Variants in CLTC observed in about 807,000 individuals in gnomAD.
CLTC encodes the protein clathrin heavy chain.
CLTC carries 16 observed loss-of-function variants against 195.8 expected under a neutral mutation model. The observed-to-expected ratio is 0.08, with a 90% CI of 0.06 to 0.12. CLTC has a LOEUF of 0.12. Ranked by LOEUF, CLTC falls within the 10% of genes least tolerant of loss-of-function variation. The pLI is 1.00. For missense variants in CLTC, 796 were observed against 2,027.0 expected (o/e 0.39, Z 11.66); for synonymous variants, 667 against 689.4 (o/e 0.97, Z 0.51).
At chr17:59,631,608 C>T (rs375255499) in intron 1 of CLTC, among the ~76,000 whole-genome samples, 2 of 152,166 alleles carry the variant, frequency 1.3e-5, no homozygotes, top group African/African-American at 4.8e-5. Context: ...CAGTTAAGAG[C>T]AGAACTGGAA....
Position 59,666,324 on chromosome 17 carries a change from A to G in CLTC, c.1782+84A>G. 6.5e-7 allele frequency: 1 copy of G among 1,533,680 alleles called. No homozygotes were observed. Among genetic ancestry groups the G allele is most frequent in the Non-Finnish European group, 9.0e-7 (1 of 1,117,060 alleles). ...GCCTCTCAGATTGTTATGCAAAGCT[A>G]CTGAGGGGCCTACTCCTTATTAAAG... On this transcript the variant is annotated intron_variant, in intron 11 of 31. Coordinates refer to ENST00000269122, the MANE Select transcript of CLTC (RefSeq NM_004859.4). This position sits in a 1 kb window ranked among gnomAD's most constrained non-coding sequence, Gnocchi z 4.9.
At chr17:59,688,949 C>A (rs1466001548) in intron 30 of CLTC, among the ~76,000 whole-genome samples, 1 of 152,102 alleles carries the variant, frequency 6.6e-6, no homozygotes, top group Non-Finnish European at 1.5e-5. Flanking sequence ...GTTAGCAAAA[C>A]CCCATCTGAT....
chr17:59,626,543 T>G (rs1353554315), intron 1 of CLTC, among the ~76,000 whole-genome samples: 1 of 152,196 alleles, frequency 6.6e-6, no homozygotes, highest in Non-Finnish European at 1.5e-5. Flanking sequence ...TGTGTCCTTT[T>G]TTAGGGTGGT....
intron 1 of CLTC, among the ~76,000 whole-genome samples, chr17:59,641,880 G>T (rs1319924980): frequency 6.6e-6 from 1 of 151,866 alleles, no homozygotes; most frequent in East Asian, 1.9e-4. Flanking sequence ...CAGAGATGGG[G>T]TCTCATTATG....
chr17:59,664,933 G>GT, intron 10 of CLTC, 24 bp downstream of exon 10: 2 of 1,612,076 alleles, frequency 1.2e-6, no homozygotes, highest in Non-Finnish European at 1.7e-6. Context: ...AATATATTTT[G>GT]TAGAAGCTGA....
rs2032976978 is a variant in CLTC, at chr17:59,676,830, G to A, written c.2562-124G>A. The stretch of plus-strand genomic sequence containing the variant: ...GCCTGGACAATGTAGCAATACTCGG[G>A]GGGCGGGGAAAAAGTATGTGAAAGC... On this transcript the variant is annotated intron_variant, in intron 16 of 31. Transcript: ENST00000269122. 11 of 708,394 alleles carry A rather than the reference G, an allele frequency of 1.6e-5. No individual in the cohort carries two copies. The South Asian group carries it at 2.0e-4, about 13-fold the overall frequency. 43.9% of individuals were successfully genotyped at this position (708,394 alleles called of 1,614,324 possible).
chr17:59,685,565 C>T lies in CLTC; in HGVS notation c.4606-22C>T, dbSNP rs761514674. 1 of 1,587,562 alleles carries T rather than the reference C, an allele frequency of 6.3e-7. No homozygotes were observed. The highest frequency in any genetic ancestry group is 8.6e-7 in the Non-Finnish European group (1 of 1,157,244). On this transcript the variant is annotated intron_variant, in intron 29 of 31. Coordinates refer to ENST00000269122, the MANE Select transcript of CLTC (RefSeq NM_004859.4). This position sits in a 1 kb window ranked among gnomAD's most constrained non-coding sequence, Gnocchi z 5.0. Reference sequence around the variant, plus strand: ...AGTATGTGGGGTCTAATGTTTTTGACTTTCACTATTTCTTTGAATAGGATG... The same window carrying T: ...AGTATGTGGGGTCTAATGTTTTTGATTTTCACTATTTCTTTGAATAGGATG...
intron 5 of CLTC, among the ~76,000 whole-genome samples, chr17:59,652,070 C>T (rs889397754): frequency 6.6e-6 from 1 of 152,164 alleles, no homozygotes; most frequent in Non-Finnish European, 1.5e-5. Flanking sequence ...CTTTTCTTTG[C>T]CCATCCTTAA....
At chr17:59,691,083 A>C (rs1423381873) in intron 31 of CLTC, among the ~76,000 whole-genome samples, 2 of 152,234 alleles carry the variant, frequency 1.3e-5, no homozygotes, top group Non-Finnish European at 2.9e-5. Flanking sequence ...CTTTACATAA[A>C]GAATACATCC....
Position 59,666,017 on chromosome 17 carries a change from CA to C in CLTC, c.1645-85del. ...GTTTATATTGTCCAAATAAAATTCT[CA>C]GGTAAAGAAAGAGTTCATGCATAAT... On this transcript the variant is annotated intron_variant, in intron 10 of 31. Coordinates refer to ENST00000269122, the MANE Select transcript of CLTC (RefSeq NM_004859.4). The surrounding 1 kb of genome is among the most constrained non-coding windows in gnomAD (Gnocchi z 4.9). 1.0e-6 allele frequency: 1 copy of C among 990,778 alleles called. No homozygotes were observed. The highest frequency in any genetic ancestry group is 2.4e-5 in the East Asian group (1 of 40,988). The allele number at this position is 990,778 out of a possible 1,614,324, so 61.4% of individuals were successfully genotyped here.
At chr17:59,634,337 G>C (rs2031805749) in intron 1 of CLTC, among the ~76,000 whole-genome samples, 2 of 152,048 alleles carry the variant, frequency 1.3e-5, no homozygotes, top group Non-Finnish European at 2.9e-5. Flanking sequence ...GCATAATCTT[G>C]GTAAGTCATA....
At chr17:59,693,630 T>C in intron 31 of CLTC, 98 bp from the exon 32 acceptor site, 2 of 1,365,558 alleles carry the variant, frequency 1.5e-6, no homozygotes, top group Non-Finnish European at 2.0e-6. Context: ...TGAGATTATG[T>C]TGCTAGAGTG....
Position 59,682,898 on chromosome 17 carries a change from T to G in CLTC, c.3766-9T>G. On this transcript the variant is annotated splice_polypyrimidine_tract_variant and intron_variant, in intron 23 of 31. Coordinates refer to ENST00000269122, the MANE Select transcript of CLTC (RefSeq NM_004859.4). The surrounding 1 kb of genome is among the most constrained non-coding windows in gnomAD (Gnocchi z 6.8). ...ATTTGAGTTCACAGAAAGGAAATGT[T>G]TATTCTAGGTCTGCTTCGCCTGTGT... 6.2e-7 allele frequency: 1 copy of G among 1,613,562 alleles called. No individual in the cohort carries two copies. The highest frequency in any genetic ancestry group is 1.1e-5 in the South Asian group (1 of 90,978).
intron 17 of CLTC, among the ~76,000 whole-genome samples, chr17:59,678,360 A>C (rs1458684419): frequency 6.6e-6 from 1 of 151,158 alleles, no homozygotes; most frequent in African/African-American, 2.4e-5. Context: ...CTCTCCCTTA[A>C]TTTAGCATCT....
intron 18 of CLTC, among the ~76,000 whole-genome samples, chr17:59,679,997 A>G (rs2033049766): frequency 6.6e-6 from 1 of 152,084 alleles, no homozygotes; most frequent in African/African-American, 2.4e-5. Context: ...CAGTAAGCCG[A>G]GATCACGCCA....
At chr17:59,627,843 G>C (rs1598200200) in intron 1 of CLTC, among the ~76,000 whole-genome samples, 1 of 152,176 alleles carries the variant, frequency 6.6e-6, no homozygotes, top group South Asian at 2.1e-4. Context: ...GTGTGTTCCA[G>C]TCTGAAGCCA....
intron 3 of CLTC, among the ~76,000 whole-genome samples, chr17:59,647,924 T>G (rs2032237188): frequency 6.6e-6 from 1 of 152,174 alleles, no homozygotes; most frequent in South Asian, 2.1e-4. Context: ...CTGTGGAGAT[T>G]GAGTAGAAAT....
chr17:59,632,293 A>G (rs553848660), intron 1 of CLTC, among the ~76,000 whole-genome samples: 20 of 149,878 alleles, frequency 1.3e-4, no homozygotes, highest in Non-Finnish European at 2.7e-4. Context: ...GCGTGAACCC[A>G]GGAGGCGGAG....
At position 59,681,412 on chromosome 17, in the gene CLTC, C is replaced by T. The variant is rs769929558; in HGVS notation, c.3183C>T (p.Ser1061=). The part of the protein sequence containing the change: ...DAPDIANIAI[S]NELFEEAFAI... ...CAGATATTGCCAATATCGCCATCAG[C>T]AATGAGCTGTTTGAAGAAGCATTTG... The change falls in exon 20 of 32, where the codon AGC becomes AGT. Residue 1061 remains serine, a synonymous_variant. Coordinates refer to ENST00000269122, the MANE Select transcript of CLTC (RefSeq NM_004859.4). This position sits in a 1 kb window ranked among gnomAD's most constrained non-coding sequence, Gnocchi z 5.0. The T allele has an allele frequency of 6.2e-7, 1 of 1,614,052 alleles. No homozygotes were observed. The highest frequency in any genetic ancestry group is 8.5e-7 in the Non-Finnish European group (1 of 1,179,996).
Sources: allele counts gnomAD v4.1 joint callset (sites outside exome capture counted in the v4.1 genomes callset), GRCh38; gene constraint gnomAD v4.1.1; non-coding constraint Gnocchi (gnomAD v3.1); transcripts MANE v1.5; gene names NCBI Gene and HGNC (gene_info 2026-07-23, HGNC 2026-07-21).